The following COX10 variants were observed in gnomAD, a reference collection of about 807,000 sequenced individuals.
COX10 encodes the protein protoheme IX farnesyltransferase, mitochondrial.
In COX10, 27 loss-of-function variants were observed where a neutral mutation model predicts 37.3. That is an observed-to-expected ratio of 0.72 (90% CI 0.53 to 1.00). The LOEUF (loss-of-function observed/expected upper bound fraction) is 1.00. Ranked by LOEUF, COX10 falls within the 50% of genes least tolerant of loss-of-function variation. The pLI, the probability that COX10 is intolerant of heterozygous loss-of-function variation, is 0.00. For synonymous variants in COX10, 222 were observed against 229.1 expected, an observed-to-expected ratio of 0.97 and a Z score of 0.28; for missense variants, 475 against 563.2, an observed-to-expected ratio of 0.84 and a Z score of 1.59.
At chr17:14,103,531 T>C (rs1443447187) in intron 4 of COX10, among the ~76,000 whole-genome samples, 2 of 152,052 alleles carry the variant, frequency 1.3e-5, no homozygotes, top group Non-Finnish European at 2.9e-5. Flanking sequence ...AAGAAAATGT[T>C]TAAAATAAAA....
intron 6 of COX10, among the ~76,000 whole-genome samples, chr17:14,206,157 CCAGGGTGT>C (rs1277133054): frequency 5.3e-5 from 8 of 152,070 alleles, no homozygotes; most frequent in Non-Finnish European, 1.0e-4. Flanking sequence ...CAGATCAGAG[CCAGGGTGT>C]GACGCACCCG....
At chr17:14,156,367 C>A (rs1905039618) in intron 4 of COX10, among the ~76,000 whole-genome samples, 2 of 152,010 alleles carry the variant, frequency 1.3e-5, no homozygotes, top group African/African-American at 4.8e-5. Flanking sequence ...GTAGCTGGGA[C>A]TACAGGCACC....
intron 4 of COX10, among the ~76,000 whole-genome samples, chr17:14,135,263 G>T (rs1916553312): frequency 6.6e-6 from 1 of 151,612 alleles, no homozygotes; most frequent in Non-Finnish European, 1.5e-5. Flanking sequence ...ATGTTGTTAA[G>T]TTGAAATCTT....
At chr17:14,076,141 G>A (rs1254333166) in intron 2 of COX10, among the ~76,000 whole-genome samples, 2 of 125,776 alleles carry the variant, frequency 1.6e-5, no homozygotes, top group Non-Finnish European at 1.6e-5. Flanking sequence ...TGTGAGACAG[G>A]GTCTCACTGT....
intron 3 of COX10, among the ~76,000 whole-genome samples, chr17:14,086,628 T>G (rs1372952115): frequency 6.6e-6 from 1 of 152,176 alleles, no homozygotes; most frequent in Non-Finnish European, 1.5e-5. Context: ...AAAATTTCTT[T>G]TCAGTTGATT....
At chr17:14,103,114 G>A (rs543428963) in intron 4 of COX10, among the ~76,000 whole-genome samples, 1 of 151,876 alleles carries the variant, frequency 6.6e-6, no homozygotes, top group South Asian at 2.1e-4. Context: ...TTTTGTTGTT[G>A]TTGTTATTTT....
intron 5 of COX10, among the ~76,000 whole-genome samples, chr17:14,181,198 G>C (rs1490354749): frequency 1.1e-4 from 17 of 152,190 alleles, no homozygotes; most frequent in Admixed American, 1.1e-3. Context: ...AGTGTTTCAG[G>C]GGGCAAGGGG....
At chr17:14,074,222 G>T (rs924857116) in intron 1 of COX10, 101 bp from the exon 2 acceptor site, 120 of 1,284,528 alleles carry the variant, frequency 9.3e-5, no homozygotes, top group Non-Finnish European at 1.3e-4. Context: ...ACAGTGTAGC[G>T]CTTACCTTAG....
chr17:14,181,948 A>C, intron 5 of COX10: 3 of 982,178 alleles, frequency 3.1e-6, no homozygotes, highest in Non-Finnish European at 3.6e-6. Flanking sequence ...CCCTCTGAAT[A>C]AGAAGGCTGA....
intron 4 of COX10, among the ~76,000 whole-genome samples, chr17:14,152,309 T>A (rs990585432): frequency 6.6e-6 from 1 of 152,192 alleles, no homozygotes; most frequent in Non-Finnish European, 1.5e-5. Flanking sequence ...AAGGCACATC[T>A]TACATGCAGC....
chr17:14,177,454 A>G (rs1727392092), intron 5 of COX10: 1 of 400,476 alleles, frequency 2.5e-6, no homozygotes, highest in Non-Finnish European at 4.3e-6. Flanking sequence ...TTCCAGGGAC[A>G]CAAGAAATTA....
intron 2 of COX10, among the ~76,000 whole-genome samples, chr17:14,075,336 C>T (rs1466127334): frequency 6.6e-6 from 1 of 152,002 alleles, no homozygotes; most frequent in East Asian, 1.9e-4. Context: ...GTTTATAATT[C>T]TTTATTAAGA....
intron 5 of COX10, among the ~76,000 whole-genome samples, chr17:14,179,490 T>G (rs956376291): frequency 3.9e-5 from 6 of 152,168 alleles, no homozygotes; most frequent in Admixed American, 2.0e-4. Flanking sequence ...ATAATCTGGG[T>G]GAAAAACCTA....
At chr17:14,109,529 T>C (rs2142205239) in intron 4 of COX10, among the ~76,000 whole-genome samples, 1 of 152,304 alleles carries the variant, frequency 6.6e-6, no homozygotes, top group Middle Eastern at 3.4e-3. Context: ...TTCTTAATGA[T>C]GACTCTGTGA....
chr17:14,134,130 A>G (rs1442383905), intron 4 of COX10, among the ~76,000 whole-genome samples: 3 of 151,752 alleles, frequency 2.0e-5, no homozygotes, highest in Non-Finnish European at 4.4e-5. Flanking sequence ...GGTAGACTCC[A>G]TGATGCCCTC....
intron 4 of COX10, among the ~76,000 whole-genome samples, chr17:14,145,375 T>C (rs1597520034): frequency 6.6e-6 from 1 of 152,266 alleles, no homozygotes; most frequent in South Asian, 2.1e-4. Flanking sequence ...CTTAGGCACA[T>C]GCACAGAGAA....
At chr17:14,195,263 A>G (rs1270684278) in intron 6 of COX10, among the ~76,000 whole-genome samples, 2 of 152,236 alleles carry the variant, frequency 1.3e-5, no homozygotes, top group Admixed American at 6.5e-5. Flanking sequence ...TACAGGTGAT[A>G]GAATCTAAGA....
intron 4 of COX10, among the ~76,000 whole-genome samples, chr17:14,147,146 G>A (rs1904744466): frequency 1.3e-5 from 2 of 152,122 alleles, no homozygotes; most frequent in Admixed American, 6.5e-5. Context: ...CCACTGCTAG[G>A]TATATACCCA....
intron 1 of COX10, among the ~76,000 whole-genome samples, chr17:14,072,990 A>G (rs1227158330): frequency 6.6e-6 from 1 of 152,226 alleles, no homozygotes; most frequent in Non-Finnish European, 1.5e-5. Context: ...ACAAAGACAG[A>G]AAATTTGACA....
Sources: gnomAD v4.1 joint callset for allele counts (sites outside exome capture counted in the v4.1 genomes callset) on GRCh38, gnomAD v4.1.1 for gene constraint, MANE v1.5 for transcripts, NCBI Gene and HGNC (gene_info 2026-07-23, HGNC 2026-07-21) for gene names.